The following UROC1 variants were observed in gnomAD, a reference collection of about 807,000 sequenced individuals.
UROC1 encodes the protein urocanate hydratase.
UROC1 carries 79 observed loss-of-function variants against 89.5 expected under a neutral mutation model. The ratio of observed to expected loss-of-function variants is 0.88; its 90% CI spans 0.74 to 1.06. UROC1 has a LOEUF of 1.06. Ranked by LOEUF, UROC1 falls within the 50% of genes least tolerant of loss-of-function variation. UROC1 has a pLI of 0.00. For missense variants in UROC1, 885 were observed against 907.8 expected (o/e 0.97, Z 0.32); for synonymous variants, 361 against 354.8 (o/e 1.02, Z -0.20).
chr3:126,515,230 G>A (rs762736351), intron 1 of UROC1, among the ~76,000 whole-genome samples: 81 of 152,186 alleles, frequency 5.3e-4, no homozygotes, highest in Non-Finnish European at 6.2e-4. Flanking sequence ...CCTGAGCTCC[G>A]GGGTGAAGTT....
chr3:126,481,517 T>C lies in UROC1; in HGVS notation c.*828A>G, dbSNP rs1935384161. On this transcript the variant is annotated 3_prime_UTR_variant, in exon 20 of 20. Coordinates refer to ENST00000290868, the MANE Select transcript of UROC1 (RefSeq NM_144639.3). Reference sequence around the variant, plus strand: ...CTCAGAGGCCCACCCACAGACTCTTTCTCATTTCTCTGTTTAGGATGAGTT... The same window carrying C: ...CTCAGAGGCCCACCCACAGACTCTTCCTCATTTCTCTGTTTAGGATGAGTT... 6.6e-6 allele frequency: 1 copy of C among 152,186 alleles called. No individual in the cohort carries two copies. Among genetic ancestry groups the C allele is most frequent in the Non-Finnish European group, 1.5e-5 (1 of 68,042 alleles). The allele number at this position is 152,186 out of a possible 1,614,324, so 9.4% of individuals were successfully genotyped here. A position where few individuals can be genotyped will look rare whatever the true frequency, so the allele number is the denominator to read the frequency against.
At chr3:126,489,576 T>A (rs918371751) in intron 16 of UROC1, among the ~76,000 whole-genome samples, 5 of 152,194 alleles carry the variant, frequency 3.3e-5, no homozygotes, top group Non-Finnish European at 2.9e-5. Flanking sequence ...GTGTAATACA[T>A]GTGTGAGCTC....
intron 19 of UROC1, among the ~76,000 whole-genome samples, 185 bp from the exon 20 acceptor site, chr3:126,482,670 G>A (rs1935416988): frequency 6.6e-6 from 1 of 152,054 alleles, no homozygotes; most frequent in African/African-American, 2.4e-5. Context: ...CCCTCCTCTG[G>A]GATCTGAAAC....
chr3:126,511,199 C>T (rs1046805848), intron 1 of UROC1, among the ~76,000 whole-genome samples: 1 of 152,158 alleles, frequency 6.6e-6, no homozygotes, highest in African/African-American at 2.4e-5. Context: ...AGTGCAAGCA[C>T]ATATAAGAAA....
intron 16 of UROC1, among the ~76,000 whole-genome samples, 187 bp from the exon 17 acceptor site, chr3:126,489,562 T>C (rs1225058185): frequency 1.3e-5 from 2 of 152,218 alleles, no homozygotes; most frequent in Non-Finnish European, 2.9e-5. Context: ...CCGGCAGCAC[T>C]CGTGTGTAAT....
chr3:126,509,563 C>T, intron 3 of UROC1, 22 bp downstream of exon 3: 1 of 1,545,276 alleles, frequency 6.5e-7, no homozygotes, highest in East Asian at 2.4e-5. Context: ...CAGTGCTGGG[C>T]CTCGGTTTCC....
In UROC1 at chr3:126,489,279, C is replaced by T. The variant is rs1935589031; in HGVS notation, c.1705G>A (p.Ala569Thr). 1.9e-6 allele frequency: 3 copies of T among 1,612,960 alleles called. No individual in the cohort carries two copies. The highest frequency in any genetic ancestry group is 2.5e-6 in the Non-Finnish European group (3 of 1,179,224). Reference protein sequence around the residue: ...SNIYDGSAFCADMAVQNFVGD... With the variant: ...SNIYDGSAFCTDMAVQNFVGD... ...AAGACATTCTCATCTTCCTCACCTG[C>T]ACAGAAGGCAGAGCCGTCGTAAATG... is the stretch of plus-strand genomic sequence containing the variant. Residue 569 changes from alanine (A) to threonine (T), a missense_variant, in exon 17 of 20, where the codon GCA becomes ACA. By Grantham distance (58) the Ala-to-Thr change is moderately conservative. Coordinates refer to ENST00000290868, the MANE Select transcript of UROC1 (RefSeq NM_144639.3).
chr3:126,509,441 A>C (rs1026548149), intron 3 of UROC1, 144 bp downstream of exon 3: 12 of 772,838 alleles, frequency 1.6e-5, no homozygotes, highest in African/African-American at 1.2e-4. Flanking sequence ...AGCCGAGGGA[A>C]GGGCCAGGGA....
At chr3:126,508,301 G>T (rs1182546376) in intron 4 of UROC1, 115 bp downstream of exon 4, 2 of 1,363,108 alleles carry the variant, frequency 1.5e-6, no homozygotes, top group Admixed American at 1.8e-5. Context: ...GGAGCCTCAG[G>T]CACCAGGGAG....
Position 126,496,115 on chromosome 3 carries a change from G to A in UROC1, c.1439-7C>T, listed in dbSNP as rs370674108. On this transcript the variant is annotated splice_region_variant and splice_polypyrimidine_tract_variant and intron_variant, in intron 14 of 19. Coordinates refer to ENST00000290868, the MANE Select transcript of UROC1 (RefSeq NM_144639.3). ...AGCTTCACAGACACCTTCACTGCAGGAGAGAGGACAGCAGGCGTCAGAGAC... is the reference window on the plus strand; with the variant it reads ...AGCTTCACAGACACCTTCACTGCAGAAGAGAGGACAGCAGGCGTCAGAGAC... 5.4e-5 allele frequency: 87 copies of A among 1,612,312 alleles called. No individual in the cohort carries two copies. The highest frequency in any genetic ancestry group is 7.0e-5 in the Non-Finnish European group (83 of 1,179,646).
Position 126,482,329 on chromosome 3 carries a change from G to T in UROC1, c.*16C>A. ...CCAGGGAGGAAGGGAGGCAGGGGCC[G>T]CGACTCCTGGCTCCCTCAGAGCTGC... On this transcript the variant is annotated 3_prime_UTR_variant, in exon 20 of 20. Coordinates refer to ENST00000290868, the MANE Select transcript of UROC1 (RefSeq NM_144639.3). 6.2e-7 allele frequency: 1 copy of T among 1,610,616 alleles called. No individual in the cohort carries two copies. The highest frequency in any genetic ancestry group is 8.5e-7 in the Non-Finnish European group (1 of 1,178,498).
chr3:126,507,030 G>T (rs1936077829), intron 6 of UROC1, among the ~76,000 whole-genome samples: 1 of 151,556 alleles, frequency 6.6e-6, no homozygotes, highest in Non-Finnish European at 1.5e-5. Flanking sequence ...AGTGAGCCGA[G>T]ATCACACCAT....
intron 1 of UROC1, among the ~76,000 whole-genome samples, chr3:126,514,693 C>T (rs966826327): frequency 6.6e-6 from 1 of 151,896 alleles, no homozygotes; most frequent in Non-Finnish European, 1.5e-5. Flanking sequence ...ACGTCTTCTG[C>T]ACTGCATAGA....
At position 126,482,500 on chromosome 3, in the gene UROC1, G is replaced by A. The variant is rs1309365862; in HGVS notation, c.1891-15C>T. 1.2e-6 allele frequency: 2 copies of A among 1,613,682 alleles called. No individual in the cohort carries two copies. The highest frequency in any genetic ancestry group is 1.3e-5 in the African/African-American group (1 of 74,902). On this transcript the variant is annotated splice_polypyrimidine_tract_variant and intron_variant, in intron 19 of 19. Coordinates refer to ENST00000290868, the MANE Select transcript of UROC1 (RefSeq NM_144639.3). ...CGCCGGGCCACCTAGGGCAAGGAGG[G>A]GGATAGCAGTCCATGTCAACATAAC...
chr3:126,510,189 G>A (rs929441171), intron 2 of UROC1, among the ~76,000 whole-genome samples: 1 of 152,140 alleles, frequency 6.6e-6, no homozygotes, highest in Non-Finnish European at 1.5e-5. Context: ...AGAACTGCTG[G>A]GTCTGAAACT....
At position 126,491,715 on chromosome 3, in the gene UROC1, T is replaced by C. The variant is rs533346106; in HGVS notation, c.1608+703A>G. Among the ~76,000 whole-genome samples the C allele has an allele frequency of 3.3e-5, 5 of 152,362 alleles. No homozygotes were observed. In the South Asian group the frequency reaches 1.0e-3, roughly 32 times the overall value. Reference sequence around the variant, plus strand: ...GAGCCAGAGCCCCTCGGAGCAAGCATGCCCAGGGTTCCGTCCTCGAGACGG... The same window carrying C: ...GAGCCAGAGCCCCTCGGAGCAAGCACGCCCAGGGTTCCGTCCTCGAGACGG... On this transcript the variant is annotated intron_variant, in intron 16 of 19. Coordinates refer to ENST00000290868, the MANE Select transcript of UROC1 (RefSeq NM_144639.3).
At chr3:126,500,026 C>T (rs781712755) in intron 12 of UROC1, 31 bp downstream of exon 12, 63 of 1,600,116 alleles carry the variant, frequency 3.9e-5, no homozygotes, top group Non-Finnish European at 5.2e-5. Flanking sequence ...GTGGTGGCCC[C>T]TCCCTCCTCC....
chr3:126,500,770 A>C lies in UROC1; in HGVS notation c.1070T>G (p.Val357Gly), dbSNP rs752834452. The C allele has an allele frequency of 6.2e-7, 1 of 1,614,090 alleles. No homozygotes were observed. Residue 357 changes from valine (V) to glycine (G), a missense_variant, in exon 11 of 20, where the codon GTG becomes GGG. Coordinates refer to ENST00000290868, the MANE Select transcript of UROC1 (RefSeq NM_144639.3). ...CTGGGCCTCCGTGAAGCTGAGCTGC[A>C]CAGGGTAGTAGCCGCCATTGAACGG... ...HNPFNGGYYP[V>G]QLSFTEAQSL...
chr3:126,500,917 TGGG>T lies in UROC1; in HGVS notation c.966-46_966-44del, dbSNP rs539585879. 2.7e-3 allele frequency: 2,269 copies of T among 843,200 alleles called. 26 individuals are homozygous for T. Among genetic ancestry groups the T allele is most frequent in the Middle Eastern group, 1.1e-3 (3 of 2,632 alleles). 52.2% of individuals were successfully genotyped at this position (843,200 alleles called of 1,614,324 possible). A position where few individuals can be genotyped will look rare whatever the true frequency, so the allele number is the denominator to read the frequency against. Reference sequence around the variant, plus strand: ...TGGTCAGTGCAAGCCACACACAGCCTGGGCCCAGAGTCTGGGGCCAGCCAGGTG... The same window carrying T: ...TGGTCAGTGCAAGCCACACACAGCCTCCCAGAGTCTGGGGCCAGCCAGGTG... On this transcript the variant is annotated intron_variant, in intron 10 of 19. Coordinates refer to ENST00000290868, the MANE Select transcript of UROC1 (RefSeq NM_144639.3).
Sources: allele counts gnomAD v4.1 joint callset (sites outside exome capture counted in the v4.1 genomes callset), GRCh38; gene constraint gnomAD v4.1.1; transcripts MANE v1.5; gene names NCBI Gene and HGNC (gene_info 2026-07-23, HGNC 2026-07-21).